CELSR2: variants seen among roughly 807,000 people sequenced by gnomAD.
CELSR2 encodes the protein cadherin EGF LAG seven-pass G-type receptor 2, also known as EGF-like protein 2.
In CELSR2, 81 loss-of-function variants were observed where a neutral mutation model predicts 251.6. That is an observed-to-expected ratio of 0.32 (90% CI 0.27 to 0.39). The LOEUF (loss-of-function observed/expected upper bound fraction) is 0.39, where lower values mean the gene tolerates loss of function less well. Ranked by LOEUF, CELSR2 falls within the 10% of genes least tolerant of loss-of-function variation. The probability of loss-of-function intolerance (pLI) is 1.00; values close to 1 mark genes in which losing one functional copy is unlikely to be tolerated. For missense variants in CELSR2, 3,365 were observed against 3,947.7 expected (o/e 0.85, Z 3.96); for synonymous variants, 1,721 against 1,670.5 (o/e 1.03, Z -0.74).
chr1:109,257,026 T>A (rs534784433), intron 1 of CELSR2, among the ~76,000 whole-genome samples: 105 of 152,300 alleles, frequency 6.9e-4, no homozygotes, highest in African/African-American at 2.5e-3. Flanking sequence ...CATCTCAGTG[T>A]TTTCTGAACA....
chr1:109,266,166 C>T lies in CELSR2; in HGVS notation c.5973C>T (p.Phe1991=), dbSNP rs778661369. ...GGATCTGGTGGCCCCGTACCCGCTT[C>T]GGGCTGCCTGCTGCTGCTCCCTGTC... ...EAGIWWPRTR[F]GLPAAAPCPK... is the part of the protein sequence containing the mutation. Residue 1991 remains phenylalanine (F), a synonymous_variant, in exon 15 of 34, where the codon TTC becomes TTT. Transcript: ENST00000271332. The T allele has an allele frequency of 1.2e-5, 19 of 1,614,012 alleles. No individual in the cohort carries two copies. Among genetic ancestry groups the T allele is most frequent in the Admixed American group, 6.7e-5 (4 of 60,004 alleles).
At position 109,251,025 on chromosome 1, in the gene CELSR2, G is replaced by A. The variant is rs528285800; in HGVS notation, c.946G>A (p.Gly316Ser). The change falls in exon 1 of 34, where the codon GGT becomes AGT. Residue 316 changes from glycine (G) to serine (S), a missense_variant. This residue lies in a region of CELSR2 where 704 missense variants were observed against 784.1 expected (regional missense o/e 0.90). Transcript: ENST00000271332. The surrounding 1 kb of genome is among the most constrained non-coding windows in gnomAD (Gnocchi z 4.9). ...GGTGCTCACTGTCAGGGCCACGGATGGTGATGCCCCTCCCAATGCCAATAT... is the reference window on the plus strand; with the variant it reads ...GGTGCTCACTGTCAGGGCCACGGATAGTGATGCCCCTCCCAATGCCAATAT... ...YEVLTVRATDGDAPPNANILY... is the reference protein window; with the variant it reads ...YEVLTVRATDSDAPPNANILY... The A allele has an allele frequency of 6.8e-6, 11 of 1,613,520 alleles. No individual in the cohort carries two copies. The East Asian group carries it at 8.9e-5, about 13-fold the overall frequency.
Position 109,269,611 on chromosome 1 carries a change from G to A in CELSR2, c.6980+20G>A, listed in dbSNP as rs756013451. 44 of 1,613,262 alleles carry A rather than the reference G, an allele frequency of 2.7e-5. No homozygotes were observed. Among genetic ancestry groups the A allele is most frequent in the South Asian group, 1.2e-4 (11 of 91,066 alleles). ...AATCCTGTGAGCCTGCACTGCCCTC[G>A]CCCCCTCAGGCTTCGGGCTGAAAGT... On this transcript the variant is annotated intron_variant, in intron 21 of 33. Coordinates refer to ENST00000271332, the MANE Select transcript of CELSR2 (RefSeq NM_001408.3). The surrounding 1 kb of genome is among the most constrained non-coding windows in gnomAD (Gnocchi z 6.4).
intron 2 of CELSR2, 78 bp downstream of exon 2, chr1:109,259,157 T>TGGCG: frequency 7.9e-7 from 1 of 1,269,962 alleles, no homozygotes; most frequent in Non-Finnish European, 1.1e-6. Context: ...GGACAAATGC[T>TGGCG]GGCGGCTGCC....
rs772338483 is a variant in CELSR2, at chr1:109,267,598, C to T, written c.6064C>T (p.Leu2022Phe). Residue 2022 changes from leucine to phenylalanine, a missense_variant, in exon 16 of 34, where the codon CTC (leucine) becomes TTC (phenylalanine). Around this residue, in one of 5 missense-constraint regions of CELSR2, gnomAD observed 2,093 missense variants for 2,382.8 expected, o/e 0.88. Coordinates refer to ENST00000271332, the MANE Select transcript of CELSR2 (RefSeq NM_001408.3). ...DEHRGWLPPN[L>F]FNCTSITFSE... ...GCACAGGGGGTGGCTCCCCCCAAACCTCTTCAACTGCACGTCCATCACCTT... is the reference window on the plus strand; with the variant it reads ...GCACAGGGGGTGGCTCCCCCCAAACTTCTTCAACTGCACGTCCATCACCTT... 21 of 1,614,068 alleles carry T rather than the reference C, an allele frequency of 1.3e-5. No homozygotes were observed. The highest frequency in any genetic ancestry group is 2.2e-5 in the East Asian group (1 of 44,886).
rs1656360066 is a variant in CELSR2, at chr1:109,271,135, C to G, written c.7597-82C>G. ...GTGTCCTCAGGACTCCCTTTAGGAA[C>G]AGCTGAGGCCACGGGGCCCTGTGGG... On this transcript the variant is annotated intron_variant, in intron 25 of 33. Coordinates refer to ENST00000271332, the MANE Select transcript of CELSR2 (RefSeq NM_001408.3). 2.0e-6 allele frequency: 3 copies of G among 1,533,032 alleles called. No homozygotes were observed. The Admixed American group carries it at 5.0e-5, about 26-fold the overall frequency. 95.0% of individuals were successfully genotyped at this position (1,533,032 alleles called of 1,614,324 possible).
Position 109,268,960 on chromosome 1 carries a change from C to T in CELSR2, c.6583C>T (p.Pro2195Ser), listed in dbSNP as rs1247026551. 7.4e-6 allele frequency: 12 copies of T among 1,613,288 alleles called. No individual in the cohort carries two copies. The highest frequency in any genetic ancestry group is 7.6e-6 in the Non-Finnish European group (9 of 1,179,538). The change falls in exon 19 of 34, where the codon CCC becomes TCC. Residue 2195 changes from proline to serine, a missense_variant. This residue lies in a region of CELSR2 where 2,093 missense variants were observed against 2,382.8 expected (regional missense o/e 0.88). Coordinates refer to ENST00000271332, the MANE Select transcript of CELSR2 (RefSeq NM_001408.3). ...CTACGAGGCCCTGCGTGGGGAGCAGCCCCCGGACCTTGAGACAACAGTCAT... is the reference window on the plus strand; with the variant it reads ...CTACGAGGCCCTGCGTGGGGAGCAGTCCCCGGACCTTGAGACAACAGTCAT... ...PRYEALRGEQ[P>S]PDLETTVILP...
rs1208819388 is a variant in CELSR2 at position 109,251,696 on chromosome 1, C to T, written c.1617C>T (p.Arg539=). 1 of 1,614,130 alleles carries T rather than the reference C, an allele frequency of 6.2e-7. No homozygotes were observed. Among genetic ancestry groups the T allele is most frequent in the Non-Finnish European group, 8.5e-7 (1 of 1,180,032 alleles). Residue 539 remains arginine (R), a synonymous_variant, in exon 1 of 34, where the codon CGC becomes CGT. Coordinates refer to ENST00000271332, the MANE Select transcript of CELSR2 (RefSeq NM_001408.3). The surrounding 1 kb of genome is among the most constrained non-coding windows in gnomAD (Gnocchi z 4.9). ...AIDADAGDNA[R]LEYRLAGVGH... ...ACGCTGATGCTGGTGACAATGCCCG[C>T]CTGGAATACCGCCTTGCTGGGGTGG... is the stretch of plus-strand genomic sequence containing the variant.
At position 109,272,312 on chromosome 1, in the gene CELSR2, G is replaced by A. The variant is rs780813726; in HGVS notation, c.7961G>A (p.Arg2654Gln). Residue 2654 changes from arginine (R) to glutamine (Q), a missense_variant, in exon 29 of 34, where the codon CGG becomes CAG. Physicochemically the swap from Arg to Gln is conservative, Grantham distance 43. Coordinates refer to ENST00000271332, the MANE Select transcript of CELSR2 (RefSeq NM_001408.3). ...YNCPSPYADG[R>Q]LYQPYGDSAG... is the part of the protein sequence containing the mutation. ...TGCCCCAGCCCCTACGCAGATGGGCGGCTGTACCAGCCCTACGGAGACTCG... is the reference window on the plus strand; with the variant it reads ...TGCCCCAGCCCCTACGCAGATGGGCAGCTGTACCAGCCCTACGGAGACTCG... 8.1e-6 allele frequency: 13 copies of A among 1,609,112 alleles called. No homozygotes were observed. The highest frequency in any genetic ancestry group is 6.6e-5 in the South Asian group (6 of 90,908).
intron 2 of CELSR2, among the ~76,000 whole-genome samples, chr1:109,259,674 A>T (rs1417933487): frequency 6.6e-6 from 1 of 152,082 alleles, no homozygotes; most frequent in East Asian, 1.9e-4. Flanking sequence ...CATTAAGGGG[A>T]AGACACAGAA....
At chr1:109,254,801 G>T (rs911209225) in intron 1 of CELSR2, among the ~76,000 whole-genome samples, 1 of 152,168 alleles carries the variant, frequency 6.6e-6, no homozygotes, top group African/African-American at 2.4e-5. Flanking sequence ...GAGCTTTTCA[G>T]GGACTGTGGC....
rs1207660027 is a variant in CELSR2 at position 109,269,422 on chromosome 1, A to G, written c.6813-2A>G. ...ACTGTGCACCTGACTGCCCCACATC[A>G]GAGTCCCCAAACGCCCGATCATCAA... On this transcript the variant is annotated splice_acceptor_variant, in intron 20 of 33. Coordinates refer to ENST00000271332, the MANE Select transcript of CELSR2 (RefSeq NM_001408.3). LOFTEE classifies it high-confidence loss of function. The surrounding 1 kb of genome is among the most constrained non-coding windows in gnomAD (Gnocchi z 6.4). 6.2e-7 allele frequency: 1 copy of G among 1,613,196 alleles called. No individual in the cohort carries two copies. The highest frequency in any genetic ancestry group is 8.5e-7 in the Non-Finnish European group (1 of 1,179,666).
chr1:109,252,344 C>A lies in CELSR2; in HGVS notation c.2265C>A (p.Ile755=), dbSNP rs947629619. ...TCACCTACTTCATGGAGGACAGCAT[C>A]CCCCAGTTCCGCATCGATGCAGACA... is the stretch of plus-strand genomic sequence containing the variant. ...ARITYFMEDS[I]PQFRIDADTG... is the part of the protein sequence containing the mutation. The change falls in exon 1 of 34, where the codon ATC becomes ATA. Residue 755 remains isoleucine, a synonymous_variant. Transcript: ENST00000271332. This position sits in a 1 kb window ranked among gnomAD's most constrained non-coding sequence, Gnocchi z 4.8. The A allele has an allele frequency of 1.1e-5, 18 of 1,612,972 alleles. No individual in the cohort carries two copies. The highest frequency in any genetic ancestry group is 1.5e-5 in the Non-Finnish European group (18 of 1,180,024).
chr1:109,270,273 T>C, intron 23 of CELSR2, 140 bp downstream of exon 23: 1 of 1,261,340 alleles, frequency 7.9e-7, no homozygotes, highest in Non-Finnish European at 1.1e-6. Flanking sequence ...TCCTCTTCTG[T>C]GGCTCCCCCG....
chr1:109,256,126 A>G (rs1196023807), intron 1 of CELSR2, among the ~76,000 whole-genome samples: 1 of 152,200 alleles, frequency 6.6e-6, no homozygotes, highest in Non-Finnish European at 1.5e-5. Flanking sequence ...CAGATATACC[A>G]GGTATACAAG....
Position 109,251,207 on chromosome 1 carries a change from G to A in CELSR2, c.1128G>A (p.Pro376=), listed in dbSNP as rs1275933180. ...TVEASDQGRD[P]GPRSTTAAVF... is the part of the protein sequence containing the mutation. ...AGGCAAGTGACCAGGGTCGGGACCC[G>A]GGTCCTCGGAGTACCACAGCCGCTG... The change falls in exon 1 of 34, where the codon CCG becomes CCA. Residue 376 remains proline (P), a synonymous_variant. Transcript: ENST00000271332. The surrounding 1 kb of genome is among the most constrained non-coding windows in gnomAD (Gnocchi z 4.9). 5.6e-6 allele frequency: 9 copies of A among 1,613,824 alleles called. No individual in the cohort carries two copies. The highest frequency in any genetic ancestry group is 3.3e-5 in the Admixed American group (2 of 60,016).
intron 6 of CELSR2, 108 bp from the exon 7 acceptor site, chr1:109,262,698 C>G (rs1656052159): frequency 6.5e-7 from 1 of 1,537,830 alleles, no homozygotes; most frequent in Non-Finnish European, 8.8e-7. Context: ...TGCAGGGCCT[C>G]TTGGACACCT....
intron 2 of CELSR2, among the ~76,000 whole-genome samples, chr1:109,259,566 C>A (rs544402712): frequency 6.6e-6 from 1 of 152,322 alleles, no homozygotes; most frequent in South Asian, 2.1e-4. Context: ...CTGGTCTCAT[C>A]ACACCCGGTT....
rs1357885340 is a variant in CELSR2 at position 109,255,664 on chromosome 1, G to T, written c.3310+2275G>T. ...CCTGGCTAAGCTTGGGACACAGGTGGCATTTCCTGGGGTCAGAGGCCATCC... is the reference window on the plus strand; with the variant it reads ...CCTGGCTAAGCTTGGGACACAGGTGTCATTTCCTGGGGTCAGAGGCCATCC... On this transcript the variant is annotated intron_variant, in intron 1 of 33. Coordinates refer to ENST00000271332, the MANE Select transcript of CELSR2 (RefSeq NM_001408.3). Among the ~76,000 whole-genome samples, 4 of 152,214 alleles carry T rather than the reference G, an allele frequency of 2.6e-5. No homozygotes were observed. The East Asian group carries it at 7.7e-4, about 29-fold the overall frequency.
Sources: gnomAD v4.1 joint callset for allele counts (sites outside exome capture counted in the v4.1 genomes callset) on GRCh38, gnomAD v4.1.1 for gene constraint, gnomAD v4.1.1 regional missense constraint, Gnocchi (gnomAD v3.1) non-coding constraint, MANE v1.5 for transcripts, NCBI Gene and HGNC (gene_info 2026-07-23, HGNC 2026-07-21) for gene names.